Variants in FKBP1B observed in about 807,000 individuals in gnomAD.
FKBP1B encodes the protein FKBP prolyl isomerase 1B, also known as peptidyl-prolyl cis-trans isomerase FKBP1B.
A neutral mutation model predicts 13.5 loss-of-function variants in FKBP1B; 4 were observed. That is an observed-to-expected ratio of 0.30 (90% CI 0.15 to 0.68). The LOEUF is 0.68. Among genes scored for constraint, FKBP1B ranks in the 30% least tolerant of loss-of-function variants. The probability of loss-of-function intolerance (pLI) is 0.76; values close to 1 mark genes in which losing one functional copy is unlikely to be tolerated. For missense variants in FKBP1B, 93 were observed against 136.2 expected (o/e 0.68, Z 1.58); for synonymous variants, 54 against 53.6 (o/e 1.01, Z -0.03).
chr2:24,037,912 C>T, the FKBP1B span: 2 of 1,614,124 alleles, frequency 1.2e-6, no homozygotes, highest in Non-Finnish European at 1.7e-6. Context: ...TGGTGTGCTG[C>T]TGTGTCTGGG....
rs1301180851 is a variant in FKBP1B, at chr2:24,063,215, G to A, written c.*23G>A. 2 of 1,555,930 alleles carry A rather than the reference G, an allele frequency of 1.3e-6. No individual in the cohort carries two copies. The highest frequency in any genetic ancestry group is 1.9e-5 in the Admixed American group (1 of 52,584). The stretch of plus-strand genomic sequence containing the variant: ...TGAAGGCAGGAAGGAACTCAAGGTG[G>A]CTGGAGATGGCTGCTGCTCACCCTC... On this transcript the variant is annotated 3_prime_UTR_variant, in exon 4 of 4. Transcript: ENST00000380986.
intron 3 of FKBP1B, among the ~76,000 whole-genome samples, chr2:24,061,958 G>A (rs965741148): frequency 6.6e-6 from 1 of 151,784 alleles, no homozygotes; most frequent in African/African-American, 2.4e-5. Flanking sequence ...CAAGCTCCGC[G>A]TCCTGGGTTC....
chr2:24,036,305 T>G, the FKBP1B span, among the ~76,000 whole-genome samples: 1 of 150,942 alleles, frequency 6.6e-6, no homozygotes, highest in African/African-American at 2.4e-5. Flanking sequence ...CAGGAGGTCA[T>G]GATCAGCCTA....
the FKBP1B span, chr2:24,039,639 G>A: frequency 1.3e-6 from 1 of 746,020 alleles, no homozygotes; most frequent in Non-Finnish European, 2.1e-6. Flanking sequence ...AAGGACAGGG[G>A]GAGTATTATA....
the FKBP1B span, chr2:24,037,783 AT>A: frequency 6.2e-7 from 1 of 1,614,260 alleles, no homozygotes; most frequent in Non-Finnish European, 8.5e-7. Flanking sequence ...ACACCGTTGC[AT>A]TTCAACCAGG....
At chr2:24,060,349 C>G (rs927581584) in intron 2 of FKBP1B, among the ~76,000 whole-genome samples, 5 of 152,052 alleles carry the variant, frequency 3.3e-5, no homozygotes, top group African/African-American at 7.2e-5. Context: ...TTCAGGAGTT[C>G]AAGACCAGCC....
intron 2 of FKBP1B, among the ~76,000 whole-genome samples, chr2:24,056,259 G>A (rs1273138157): frequency 1.3e-5 from 2 of 151,982 alleles, no homozygotes; most frequent in African/African-American, 2.4e-5. Context: ...CAAAGTGCTG[G>A]GATTACAGGA....
At chr2:24,062,948 TC>T (rs1257239354) in intron 3 of FKBP1B, 115 bp from the exon 4 acceptor site, 1 of 1,456,538 alleles carries the variant, frequency 6.9e-7, no homozygotes, top group Non-Finnish European at 9.5e-7. Flanking sequence ...TCATCTGAGA[TC>T]TTCAGAGTTA....
chr2:24,047,848 A>AC (rs1663681095), upstream of FKBP1B, among the ~76,000 whole-genome samples: 2 of 152,194 alleles, frequency 1.3e-5, no homozygotes, highest in Non-Finnish European at 1.5e-5. Flanking sequence ...TTCTACCCCG[A>AC]CCCTAAGCGT....
chr2:24,056,793 T>G (rs1036684756), intron 2 of FKBP1B, among the ~76,000 whole-genome samples: 1 of 151,884 alleles, frequency 6.6e-6, no homozygotes, highest in Non-Finnish European at 1.5e-5. Context: ...CGGGTTCAAG[T>G]GATTCTCCTG....
chr2:24,058,055 G>A (rs1664219917), intron 2 of FKBP1B, among the ~76,000 whole-genome samples: 1 of 151,954 alleles, frequency 6.6e-6, no homozygotes, highest in East Asian at 2.0e-4. Flanking sequence ...AAATTAGCCA[G>A]GCATGGTGGT....
chr2:24,051,107 G>A (rs998653623), intron 1 of FKBP1B, among the ~76,000 whole-genome samples: 3 of 152,082 alleles, frequency 2.0e-5, no homozygotes, highest in Non-Finnish European at 4.4e-5. Context: ...AGGCTGAGGC[G>A]GGCGGATCAC....
At chr2:24,058,590 G>A (rs576237690) in intron 2 of FKBP1B, among the ~76,000 whole-genome samples, 11 of 152,276 alleles carry the variant, frequency 7.2e-5, no homozygotes, top group Admixed American at 5.9e-4. Context: ...AAGGAAAGTC[G>A]GTATATAAAT....
the FKBP1B span, chr2:24,038,631 T>C: frequency 1.9e-6 from 3 of 1,614,116 alleles, no homozygotes; most frequent in Non-Finnish European, 1.7e-6. Context: ...GATTGAAATG[T>C]ATGTGAGTTA....
At chr2:24,060,322 G>C (rs1664327026) in intron 2 of FKBP1B, among the ~76,000 whole-genome samples, 1 of 152,174 alleles carries the variant, frequency 6.6e-6, no homozygotes, top group African/African-American at 2.4e-5. Context: ...AGGCCAAGGT[G>C]GGTGGATCAC....
At chr2:24,045,643 A>AAGGAAGGAAGGG, upstream of FKBP1B, among the ~76,000 whole-genome samples, 1 of 135,726 alleles carries the variant, frequency 7.4e-6, no homozygotes, top group Non-Finnish European at 1.6e-5. Flanking sequence ...GGAAGGAAGG[A>AAGGAAGGAAGGG]AGGAAGGAAG....
At chr2:24,049,969 G>T (rs1415555936) in intron 1 of FKBP1B, 83 bp downstream of exon 1, 12 of 1,193,838 alleles carry the variant, frequency 1.0e-5, no homozygotes, top group Non-Finnish European at 1.3e-5. Context: ...CGGAGGTGGC[G>T]TGGAGGGTGC....
intron 1 of FKBP1B, among the ~76,000 whole-genome samples, chr2:24,052,518 G>C (rs1011648821): frequency 2.0e-5 from 3 of 152,126 alleles, no homozygotes; most frequent in Admixed American, 1.3e-4. Flanking sequence ...GCTCCAGGGG[G>C]CACCTTCTCC....
chr2:24,045,694 C>G (rs1371147172), upstream of FKBP1B: 1 of 147,022 alleles, frequency 6.8e-6, no homozygotes, highest in Non-Finnish European at 1.5e-5. Flanking sequence ...AAAGGAAGGG[C>G]AGGCACAGTG....
Sources: allele counts gnomAD v4.1 joint callset (sites outside exome capture counted in the v4.1 genomes callset), GRCh38; gene constraint gnomAD v4.1.1; transcripts MANE v1.5; gene names NCBI Gene and HGNC (gene_info 2026-07-23, HGNC 2026-07-21).